The following PHYH variants were observed in gnomAD, a reference collection of about 807,000 sequenced individuals.
PHYH encodes the protein phytanoyl-CoA 2-hydroxylase.
Under a neutral mutation model 38.5 loss-of-function variants are expected in PHYH, and 32 were observed. The ratio of observed to expected loss-of-function variants is 0.83; its 90% CI spans 0.63 to 1.12. PHYH has a LOEUF of 1.12. Among genes scored for constraint, PHYH ranks in the 50% most tolerant of loss-of-function variants. The pLI is 0.00. For missense variants in PHYH, 426 were observed against 434.8 expected (o/e 0.98, Z 0.18); for synonymous variants, 166 against 157.9 (o/e 1.05, Z -0.38).
intron 8 of PHYH, among the ~76,000 whole-genome samples, chr10:13,279,458 G>A (rs1835364555): frequency 6.6e-6 from 1 of 152,116 alleles, no homozygotes; most frequent in African/African-American, 2.4e-5. Flanking sequence ...CTTGGTTCTT[G>A]TTTATTTTTG....
chr10:13,289,641 A>G (rs1310076438), intron 5 of PHYH, among the ~76,000 whole-genome samples: 1 of 152,148 alleles, frequency 6.6e-6, no homozygotes, highest in Non-Finnish European at 1.5e-5. Context: ...GATGTCAAAA[A>G]AAGTTCTAAG....
chr10:13,281,399 G>T (rs979052148), intron 7 of PHYH, among the ~76,000 whole-genome samples: 7 of 145,152 alleles, frequency 4.8e-5, no homozygotes, highest in African/African-American at 1.8e-4. Flanking sequence ...GAGGTATTTA[G>T]TTTTTTTTTT....
chr10:13,284,297 G>A (rs931543816), intron 6 of PHYH, among the ~76,000 whole-genome samples: 1 of 152,028 alleles, frequency 6.6e-6, no homozygotes, highest in Non-Finnish European at 1.5e-5. Context: ...CCTCCAGCCT[G>A]GACAACAGAG....
Position 13,280,992 on chromosome 10 carries a change from T to C in PHYH, c.947A>G (p.Asn316Ser). The C allele has an allele frequency of 6.2e-7, 1 of 1,614,126 alleles. No individual in the cohort carries two copies. Among genetic ancestry groups the C allele is most frequent in the Non-Finnish European group, 8.5e-7 (1 of 1,179,942 alleles). The change falls in exon 8 of 9, where the codon AAT (asparagine) becomes AGT (serine). Residue 316 changes from asparagine to serine, a missense_variant. Coordinates refer to ENST00000263038, the MANE Select transcript of PHYH (RefSeq NM_006214.4). ...CAAACATACCTTCAAGTTCACGCTA[T>C]TTTCAGCTCCAAAGAATTTATGTGC... ...GIAHKFFGAENSVNLKDIWMF... is the reference protein window; with the variant it reads ...GIAHKFFGAESSVNLKDIWMF...
At chr10:13,282,938 T>C (rs183226793) in intron 7 of PHYH, among the ~76,000 whole-genome samples, 8 of 152,034 alleles carry the variant, frequency 5.3e-5, no homozygotes, top group Non-Finnish European at 1.2e-4. Context: ...TATGAATGAA[T>C]GGAAGACGAA....
At chr10:13,280,349 CT>C (rs1045903327) in intron 8 of PHYH, among the ~76,000 whole-genome samples, 5 of 148,830 alleles carry the variant, frequency 3.4e-5, no homozygotes, top group South Asian at 4.3e-4. Context: ...CTTCAGAAGG[CT>C]TTTTTTTTGA....
At position 13,299,981 on chromosome 10, in the gene PHYH, G is replaced by T; in HGVS notation, c.62C>A (p.Ser21Ter). Residue 21 changes from serine (S) to a stop codon, truncating the protein, a stop_gained, in exon 1 of 9, where the codon TCG becomes TAG. Transcript: ENST00000263038. LOFTEE classifies it high-confidence loss of function. ...QIVLGHLGRPSAGAVVAHPTS... is the reference protein window; with the variant it reads ...QIVLGHLGRP Reference sequence around the variant, plus strand: ...CCCAAAGGATACGACAGCCCCGGCCGAGGGGCGGCCGAGGTGGCCCAGAAC... The same window carrying T: ...CCCAAAGGATACGACAGCCCCGGCCTAGGGGCGGCCGAGGTGGCCCAGAAC... The T allele has an allele frequency of 6.5e-7, 1 of 1,531,152 alleles. No homozygotes were observed. The allele number at this position is 1,531,152 out of a possible 1,614,324, so 94.8% of individuals were successfully genotyped here. A position where few individuals can be genotyped will look rare whatever the true frequency, so the allele number is the denominator to read the frequency against.
chr10:13,300,002 AG>A lies in PHYH; in HGVS notation c.40del (p.Leu14TrpfsTer13). The A allele has an allele frequency of 6.5e-7, 1 of 1,533,014 alleles. No individual in the cohort carries two copies. Among genetic ancestry groups the A allele is most frequent in the Non-Finnish European group, 8.7e-7 (1 of 1,144,656 alleles). The allele number at this position is 1,533,014 out of a possible 1,614,324, so 95.0% of individuals were successfully genotyped here. The stretch of plus-strand genomic sequence containing the variant: ...GGCCGAGGGGCGGCCGAGGTGGCCC[AG>A]AACAATCTGCAGACGGGCGGCGGCG... The part of the protein sequence containing the change: ...LRAAARLQIV[L>X]GHLGRPSAGA... On this transcript the variant is annotated frameshift_variant, in exon 1 of 9. Transcript: ENST00000263038. LOFTEE classifies it high-confidence loss of function.
At chr10:13,284,969 A>G (rs1410617597) in intron 6 of PHYH, among the ~76,000 whole-genome samples, 1 of 152,146 alleles carries the variant, frequency 6.6e-6, no homozygotes, top group Non-Finnish European at 1.5e-5. Context: ...GCATCTGAGC[A>G]GGGTATCTGA....
chr10:13,289,028 A>G (rs1419023957), intron 5 of PHYH, among the ~76,000 whole-genome samples: 12 of 151,828 alleles, frequency 7.9e-5, no homozygotes, highest in African/African-American at 2.4e-4. Flanking sequence ...AAATAATGCT[A>G]GAGAAAATCA....
At chr10:13,289,614 TC>T (rs1306767023) in intron 5 of PHYH, among the ~76,000 whole-genome samples, 1 of 152,074 alleles carries the variant, frequency 6.6e-6, no homozygotes, top group African/African-American at 2.4e-5. Context: ...AAGTTTGAAA[TC>T]CCCTTTGAAG....
chr10:13,291,669 A>C, intron 5 of PHYH, 162 bp downstream of exon 5: 5 of 637,786 alleles, frequency 7.8e-6, no homozygotes, highest in East Asian at 2.8e-5. Context: ...TTTTAGAGAC[A>C]GAGCCTCACT....
chr10:13,298,727 T>TACTACTACC, intron 1 of PHYH, among the ~76,000 whole-genome samples: 1 of 88,138 alleles, frequency 1.1e-5, no homozygotes. Flanking sequence ...CCACTACTAC[T>TACTACTACC]ACTACTACTA....
At chr10:13,289,713 C>T (rs1179251462) in intron 5 of PHYH, among the ~76,000 whole-genome samples, 1 of 151,922 alleles carries the variant, frequency 6.6e-6, no homozygotes, top group Admixed American at 6.6e-5. Context: ...AGGCAGCTCT[C>T]TTGAGGTCAG....
At chr10:13,289,723 G>C (rs1226575039) in intron 5 of PHYH, among the ~76,000 whole-genome samples, 1 of 151,884 alleles carries the variant, frequency 6.6e-6, no homozygotes, top group Non-Finnish European at 1.5e-5. Flanking sequence ...CTTGAGGTCA[G>C]GAATTTGAGA....
At chr10:13,299,323 TG>T in intron 1 of PHYH, 2 of 387,836 alleles carry the variant, frequency 5.2e-6, no homozygotes, top group Non-Finnish European at 7.4e-6. Context: ...TGGAACGCAC[TG>T]GCCATCACGG....
intron 1 of PHYH, chr10:13,299,441 T>G: frequency 1.0e-6 from 1 of 1,000,704 alleles, no homozygotes; most frequent in Non-Finnish European, 1.2e-6. Context: ...CCCCAAATAG[T>G]GTCTTTATAT....
intron 1 of PHYH, among the ~76,000 whole-genome samples, chr10:13,298,922 AAATAATAATAATAATAATAAT>A (rs61660763): frequency 5.2e-5 from 3 of 58,044 alleles, no homozygotes; most frequent in South Asian, 8.6e-4. Context: ...TCCGTCTCAA[AAATAATAATAATAATAATAAT>A]AATAATAATA....
chr10:13,293,294 T>TTCTTTG (rs1835757688), intron 4 of PHYH, among the ~76,000 whole-genome samples: 1 of 152,002 alleles, frequency 6.6e-6, no homozygotes, highest in African/African-American at 2.4e-5. Flanking sequence ...TTGTTTTTTG[T>TTCTTTG]TTTTTGTTTT....
Sources: allele counts gnomAD v4.1 joint callset (sites outside exome capture counted in the v4.1 genomes callset), GRCh38; gene constraint gnomAD v4.1.1; transcripts MANE v1.5; gene names NCBI Gene and HGNC (gene_info 2026-07-23, HGNC 2026-07-21).